PAK5: variants seen among roughly 807,000 people sequenced by gnomAD.
The protein encoded by PAK5 is p21 (RAC1) activated kinase 5.
A neutral mutation model predicts 65.9 loss-of-function variants in PAK5; 16 were observed. The observed-to-expected ratio is 0.24, with a 90% CI of 0.16 to 0.37. The LOEUF (loss-of-function observed/expected upper bound fraction) is 0.37, where lower values mean the gene tolerates loss of function less well. Among genes scored for constraint, PAK5 ranks in the 10% least tolerant of loss-of-function variants. PAK5 has a pLI of 1.00. For synonymous variants in PAK5, 371 were observed against 354.9 expected (o/e 1.05, Z -0.51); for missense variants, 785 against 903.9 (o/e 0.87, Z 1.69).
intron 3 of PAK5, among the ~76,000 whole-genome samples, chr20:9,610,024 T>C (rs2046529092): frequency 6.6e-6 from 1 of 152,198 alleles, no homozygotes; most frequent in Non-Finnish European, 1.5e-5. Flanking sequence ...ACACAGCCTT[T>C]GTTTTCTAAG....
chr20:9,557,618 C>A lies in PAK5; in HGVS notation c.1733G>T (p.Ser578Ile). The change falls in exon 7 of 10, where the codon AGC (serine) becomes ATC (isoleucine). Residue 578 changes from serine to isoleucine, a missense_variant. Physicochemically the swap from Ser to Ile is moderately radical, Grantham distance 142 (BLOSUM62 -2). This residue lies in a region of PAK5 where 182 missense variants were observed against 273.0 expected (regional missense o/e 0.67). Coordinates refer to ENST00000353224, the MANE Select transcript of PAK5 (RefSeq NM_177990.4). ...ACATGAACATCTTACCCGGCCATCG[C>A]TTGTCAGGAGGATGGAGTCACTTTT... ...DIKSDSILLT[S>I]DGRIKLSDFG... 6.2e-7 allele frequency: 1 copy of A among 1,609,982 alleles called. No homozygotes were observed. Among genetic ancestry groups the A allele is most frequent in the Non-Finnish European group, 8.5e-7 (1 of 1,178,230 alleles).
At chr20:9,683,120 C>T (rs2047672254) in intron 2 of PAK5, among the ~76,000 whole-genome samples, 1 of 152,098 alleles carries the variant, frequency 6.6e-6, no homozygotes, top group Non-Finnish European at 1.5e-5. Context: ...TTCCACAAAC[C>T]TTCTTAGGAA....
intron 1 of PAK5, among the ~76,000 whole-genome samples, chr20:9,724,651 G>C (rs1269708791): frequency 6.6e-6 from 1 of 152,064 alleles, no homozygotes; most frequent in African/African-American, 2.4e-5. Flanking sequence ...AATGCATTTG[G>C]TTTGTAATTA....
chr20:9,690,044 A>C (rs957478651), intron 2 of PAK5, among the ~76,000 whole-genome samples: 2 of 152,198 alleles, frequency 1.3e-5, no homozygotes, highest in Admixed American at 6.5e-5. Context: ...TCCTCACAAA[A>C]ACAATCTTCT....
intron 3 of PAK5, among the ~76,000 whole-genome samples, chr20:9,636,341 A>C (rs2046982902): frequency 6.6e-6 from 1 of 152,198 alleles, no homozygotes; most frequent in African/African-American, 2.4e-5. Context: ...ACGATGGGAG[A>C]GAAAATAAAA....
At chr20:9,548,356 G>A (rs894201298) in intron 7 of PAK5, among the ~76,000 whole-genome samples, 3 of 150,854 alleles carry the variant, frequency 2.0e-5, no homozygotes, top group Non-Finnish European at 4.4e-5. Context: ...AGGAGCCCAC[G>A]TTGATCACTC....
At chr20:9,550,303 C>T (rs1183669778) in intron 7 of PAK5, among the ~76,000 whole-genome samples, 2 of 152,128 alleles carry the variant, frequency 1.3e-5, no homozygotes, top group Non-Finnish European at 2.9e-5. Context: ...CAGAGGTGAG[C>T]CCCTGGACAG....
rs545065735 is a variant in PAK5, at chr20:9,695,025, T to A, written c.-12+16261A>T. On this transcript the variant is annotated intron_variant, in intron 2 of 9. Transcript: ENST00000353224. ...ACACTCCTGCCAATAGCTTAAGAGT[T>A]GCTCCACATCCTTATTCACATTTCC... 3.9e-5 allele frequency among the ~76,000 whole-genome samples: 6 copies of A among 152,192 alleles called. No individual in the cohort carries two copies. The East Asian group carries it at 1.2e-3, about 29-fold the overall frequency.
At chr20:9,709,202 A>G (rs776488870) in intron 2 of PAK5, among the ~76,000 whole-genome samples, 5 of 152,190 alleles carry the variant, frequency 3.3e-5, no homozygotes, top group Non-Finnish European at 2.9e-5. Context: ...TAATCACAGA[A>G]TGGCGTATGT....
intron 1 of PAK5, among the ~76,000 whole-genome samples, chr20:9,794,681 A>C (rs919259992): frequency 1.3e-5 from 2 of 152,084 alleles, no homozygotes; most frequent in Admixed American, 1.3e-4. Context: ...GGAATTAAGA[A>C]ACCAGAGGAA....
intron 3 of PAK5, among the ~76,000 whole-genome samples, chr20:9,617,545 A>G (rs2123168733): frequency 6.8e-6 from 1 of 147,314 alleles, no homozygotes; most frequent in African/African-American, 2.5e-5. Context: ...CAAGAATCCC[A>G]ATCCTTTTTT....
At chr20:9,626,085 A>G (rs972561537) in intron 3 of PAK5, among the ~76,000 whole-genome samples, 5 of 152,196 alleles carry the variant, frequency 3.3e-5, no homozygotes, top group African/African-American at 9.6e-5. Flanking sequence ...CGACCTTTAC[A>G]TAAAACAATG....
chr20:9,766,374 AG>A (rs1464350659), intron 1 of PAK5, among the ~76,000 whole-genome samples: 7 of 59,020 alleles, frequency 1.2e-4, no homozygotes, highest in African/African-American at 4.8e-4. Context: ...TATATATTCA[AG>A]CAGAATATAT....
At chr20:9,645,564 G>T (rs1156364587) in intron 2 of PAK5, among the ~76,000 whole-genome samples, 2 of 152,140 alleles carry the variant, frequency 1.3e-5, no homozygotes, top group Non-Finnish European at 2.9e-5. Flanking sequence ...GACTGGAATA[G>T]GTAGGTCATA....
intron 1 of PAK5, among the ~76,000 whole-genome samples, chr20:9,824,557 G>A (rs1333289813): frequency 1.3e-5 from 2 of 152,188 alleles, no homozygotes; most frequent in Admixed American, 1.3e-4. Context: ...CAAATCATAT[G>A]CAATTTGGAG....
At chr20:9,685,445 C>A (rs6039548) in intron 2 of PAK5, among the ~76,000 whole-genome samples, 50,668 of 151,930 alleles carry the variant, frequency 0.33, 10,014 homozygotes, top group African/African-American at 0.56. Flanking sequence ...CAGGGAGAAC[C>A]ACAAATAATC....
chr20:9,806,378 C>G (rs545031243), intron 1 of PAK5, among the ~76,000 whole-genome samples: 85 of 152,216 alleles, frequency 5.6e-4, no homozygotes, highest in African/African-American at 2.0e-3. Flanking sequence ...GTTCCTGCAT[C>G]TTGAATTTTC....
chr20:9,757,874 A>G (rs192837849), intron 1 of PAK5, among the ~76,000 whole-genome samples: 51 of 152,258 alleles, frequency 3.3e-4, no homozygotes, highest in African/African-American at 1.1e-3. Flanking sequence ...TCCACTCTTT[A>G]TTATCTCACA....
chr20:9,725,707 A>C (rs1208069461), intron 1 of PAK5, among the ~76,000 whole-genome samples: 1 of 152,158 alleles, frequency 6.6e-6, no homozygotes, highest in African/African-American at 2.4e-5. Flanking sequence ...AGAGAACACA[A>C]ACTCGTCGTA....
Sources: allele counts gnomAD v4.1 joint callset (sites outside exome capture counted in the v4.1 genomes callset), GRCh38; gene constraint gnomAD v4.1.1; regional missense constraint gnomAD v4.1.1; transcripts MANE v1.5; gene names NCBI Gene and HGNC (gene_info 2026-07-23, HGNC 2026-07-21).